The following TMEM132B variants were observed in gnomAD, a reference collection of about 807,000 sequenced individuals.
The protein encoded by TMEM132B is transmembrane protein 132B.
TMEM132B carries 18 observed loss-of-function variants against 90.8 expected under a neutral mutation model. The ratio of observed to expected loss-of-function variants is 0.20; its 90% CI spans 0.14 to 0.29. TMEM132B has a LOEUF of 0.29. Ranked by LOEUF, TMEM132B falls within the 10% of genes least tolerant of loss-of-function variation. The probability of loss-of-function intolerance (pLI) is 1.00; values close to 1 mark genes in which losing one functional copy is unlikely to be tolerated. For synonymous variants in TMEM132B, 504 were observed against 523.3 expected (o/e 0.96, Z 0.50); for missense variants, 1,096 against 1,326.8 (o/e 0.83, Z 2.70).
intron 3 of TMEM132B, among the ~76,000 whole-genome samples, chr12:125,433,626 C>G (rs988492923): frequency 2.0e-5 from 3 of 147,818 alleles, no homozygotes; most frequent in African/African-American, 7.5e-5. Flanking sequence ...CCCACTAACT[C>G]GTCATCTAGC....
chr12:125,604,313 G>A (rs1343945416), intron 5 of TMEM132B, among the ~76,000 whole-genome samples: 3 of 152,130 alleles, frequency 2.0e-5, no homozygotes, highest in Non-Finnish European at 4.4e-5. Context: ...GGATGAAGCT[G>A]GAAGCCATCA....
chr12:125,614,597 G>A (rs746318817), intron 5 of TMEM132B, among the ~76,000 whole-genome samples: 1 of 151,996 alleles, frequency 6.6e-6, no homozygotes, highest in Non-Finnish European at 1.5e-5. Context: ...TGTCTTTTTG[G>A]TAGAATTACT....
chr12:125,518,642 G>T (rs1343141247), intron 3 of TMEM132B, among the ~76,000 whole-genome samples: 3 of 152,188 alleles, frequency 2.0e-5, no homozygotes, highest in Non-Finnish European at 2.9e-5. Flanking sequence ...CAATTTACAA[G>T]TCCATGTCAA....
intron 1 of TMEM132B, among the ~76,000 whole-genome samples, chr12:125,266,868 A>C (rs1463872759): frequency 1.3e-5 from 2 of 152,146 alleles, no homozygotes; most frequent in Non-Finnish European, 2.9e-5. Context: ...ATTTAATTTG[A>C]AAGCGAATGT....
At chr12:125,592,818 A>AGTGT (rs1021257346) in intron 5 of TMEM132B, among the ~76,000 whole-genome samples, 64 of 152,228 alleles carry the variant, frequency 4.2e-4, no homozygotes, top group African/African-American at 1.5e-3. Flanking sequence ...AGCAACATAC[A>AGTGT]TGACTATTCA....
chr12:125,518,957 G>T (rs1229268527), intron 3 of TMEM132B, among the ~76,000 whole-genome samples: 1 of 152,202 alleles, frequency 6.6e-6, no homozygotes, highest in African/African-American at 2.4e-5. Context: ...ACTATTCTCT[G>T]CAAATTCTAA....
intron 1 of TMEM132B, among the ~76,000 whole-genome samples, chr12:125,315,848 C>T (rs1456320161): frequency 3.9e-5 from 6 of 152,182 alleles, no homozygotes; most frequent in Non-Finnish European, 8.8e-5. Flanking sequence ...CAGCCCTTGA[C>T]GTCTGCCCAG....
In TMEM132B at chr12:125,408,788, AC is replaced by A. The variant is rs149035193; in HGVS notation, c.960-6741del. On this transcript the variant is annotated intron_variant, in intron 2 of 8. Coordinates refer to ENST00000682704, the MANE Select transcript of TMEM132B (RefSeq NM_001366854.1). The surrounding 1 kb of genome is among the most constrained non-coding windows in gnomAD (Gnocchi z 5.9). ...CGGAAATTCAGGCTTTGTAGTTATC[AC>A]CAAATAGCTTTCCAAAGAGGTTGAA... is the stretch of plus-strand genomic sequence containing the variant. Among the ~76,000 whole-genome samples the A allele has an allele frequency of 0.037, 5,665 of 152,218 alleles. 123 individuals are homozygous for A. The highest frequency in any genetic ancestry group is 0.055 in the South Asian group (265 of 4,812).
At chr12:125,639,661 G>A (rs1886579424) in intron 5 of TMEM132B, among the ~76,000 whole-genome samples, 1 of 152,222 alleles carries the variant, frequency 6.6e-6, no homozygotes, top group Admixed American at 6.5e-5. Flanking sequence ...TACAGTTTAA[G>A]TGACATGATA....
intron 5 of TMEM132B, among the ~76,000 whole-genome samples, chr12:125,609,069 C>T (rs975822923): frequency 1.3e-5 from 2 of 152,090 alleles, no homozygotes; most frequent in Non-Finnish European, 2.9e-5. Flanking sequence ...ATGCCAGATG[C>T]TTATAAAACC....
intron 2 of TMEM132B, among the ~76,000 whole-genome samples, chr12:125,413,350 A>G (rs1434741068): frequency 6.6e-6 from 1 of 152,046 alleles, no homozygotes; most frequent in Non-Finnish European, 1.5e-5. Context: ...ACTGAGGTAA[A>G]ATTTACATCA....
At chr12:125,419,716 C>T (rs1880119432) in intron 3 of TMEM132B, among the ~76,000 whole-genome samples, 2 of 152,202 alleles carry the variant, frequency 1.3e-5, no homozygotes, top group South Asian at 4.1e-4. Context: ...TAACTCACTT[C>T]AGCATTAACT....
intron 4 of TMEM132B, among the ~76,000 whole-genome samples, chr12:125,524,866 C>T (rs890610528): frequency 2.0e-5 from 3 of 152,066 alleles, no homozygotes; most frequent in Non-Finnish European, 2.9e-5. Context: ...GAGAGAGAGA[C>T]AGAATCACAG....
At chr12:125,560,545 G>A (rs1357328596) in intron 4 of TMEM132B, among the ~76,000 whole-genome samples, 6 of 152,070 alleles carry the variant, frequency 3.9e-5, no homozygotes, top group African/African-American at 9.7e-5. Flanking sequence ...AGGAAAGGCC[G>A]GGCGCGGTGG....
intron 1 of TMEM132B, among the ~76,000 whole-genome samples, chr12:125,247,767 T>A (rs1281621925): frequency 6.6e-6 from 1 of 152,238 alleles, no homozygotes. Context: ...GGGATAGGCC[T>A]GACCTATTAG....
At chr12:125,566,364 C>T (rs549942853) in intron 4 of TMEM132B, among the ~76,000 whole-genome samples, 7 of 152,268 alleles carry the variant, frequency 4.6e-5, no homozygotes, top group African/African-American at 1.7e-4. Context: ...GTTTCCTCCT[C>T]ATAGATTTGT....
intron 1 of TMEM132B, among the ~76,000 whole-genome samples, chr12:125,199,109 C>T (rs1055143569): frequency 1.6e-4 from 25 of 152,282 alleles, no homozygotes; most frequent in African/African-American, 5.8e-4. Flanking sequence ...AGGCAGCACA[C>T]AGTGGTAGTG....
intron 3 of TMEM132B, among the ~76,000 whole-genome samples, chr12:125,474,132 C>T (rs967602006): frequency 6.9e-6 from 1 of 145,318 alleles, no homozygotes; most frequent in Non-Finnish European, 1.5e-5. Context: ...TTTCTTTCCT[C>T]TCTCTCTCGC....
At chr12:125,549,964 G>A (rs1023030851) in intron 4 of TMEM132B, among the ~76,000 whole-genome samples, 3 of 152,170 alleles carry the variant, frequency 2.0e-5, no homozygotes, top group African/African-American at 4.8e-5. Flanking sequence ...CTGCTTTGTG[G>A]TCTTGGAGCT....
Sources: allele counts gnomAD v4.1 joint callset (sites outside exome capture counted in the v4.1 genomes callset), GRCh38; gene constraint gnomAD v4.1.1; non-coding constraint Gnocchi (gnomAD v3.1); transcripts MANE v1.5; gene names NCBI Gene and HGNC (gene_info 2026-07-23, HGNC 2026-07-21).